LSAMP: variants seen among roughly 807,000 people sequenced by gnomAD.
LSAMP encodes limbic system-associated membrane protein.
LSAMP carries 7 observed loss-of-function variants against 38.6 expected under a neutral mutation model. The ratio of observed to expected loss-of-function variants is 0.18; its 90% confidence interval spans 0.10 to 0.34. The LOEUF is 0.34. LSAMP is among the 10% of genes least tolerant of loss of function. The pLI is 1.00. For missense variants in LSAMP, 313 were observed against 420.0 expected (o/e 0.75, Z 2.23); for synonymous variants, 154 against 166.8 (o/e 0.92, Z 0.59).
intron 1 of LSAMP, among the ~76,000 whole-genome samples, chr3:116,389,154 A>G (rs1201399700): frequency 6.6e-6 from 1 of 152,186 alleles, no homozygotes; most frequent in Admixed American, 6.5e-5. Context: ...TTGGGCCAAG[A>G]CAATCTGCTT....
chr3:116,095,649 A>G (rs1708211184), intron 1 of LSAMP, among the ~76,000 whole-genome samples: 1 of 152,236 alleles, frequency 6.6e-6, no homozygotes, highest in South Asian at 2.1e-4. Flanking sequence ...AAAAGAGATA[A>G]GTATTGAGAC....
intron 2 of LSAMP, among the ~76,000 whole-genome samples, chr3:116,054,432 C>A (rs909212102): frequency 6.6e-6 from 1 of 152,054 alleles, no homozygotes; most frequent in Non-Finnish European, 1.5e-5. Flanking sequence ...TTCTGCCTAC[C>A]TCAGACATAC....
intron 2 of LSAMP, among the ~76,000 whole-genome samples, chr3:116,080,687 C>T (rs1316401159): frequency 6.6e-6 from 1 of 152,194 alleles, no homozygotes; most frequent in Non-Finnish European, 1.5e-5. Flanking sequence ...GACCTATTAA[C>T]AGCCAATCAA....
chr3:115,929,612 T>A (rs1937548958), intron 3 of LSAMP, among the ~76,000 whole-genome samples: 1 of 152,174 alleles, frequency 6.6e-6, no homozygotes, highest in Admixed American at 6.6e-5. Context: ...TAAACAAGTG[T>A]CTAACCTTAG....
chr3:116,387,565 C>A (rs141126328), intron 1 of LSAMP, among the ~76,000 whole-genome samples: 1 of 152,050 alleles, frequency 6.6e-6, no homozygotes, highest in Non-Finnish European at 1.5e-5. Flanking sequence ...CCAAAGGTTC[C>A]GTACACAAAA....
In LSAMP at chr3:116,151,926, G is replaced by A. The variant is rs541281830; in HGVS notation, c.156-65370C>T. 3.9e-5 allele frequency among the ~76,000 whole-genome samples: 6 copies of A among 152,184 alleles called. No homozygotes were observed. The South Asian group carries it at 1.2e-3, about 32-fold the overall frequency. ...CAAGACTCCAGCCACAATGAGACCA[G>A]CAATTAGTTGGAGAACAAAATAATA... On this transcript the variant is annotated intron_variant, in intron 1 of 6. Coordinates refer to ENST00000490035, the MANE Select transcript of LSAMP (RefSeq NM_002338.5).
At chr3:116,172,954 GA>G (rs542781909) in intron 1 of LSAMP, among the ~76,000 whole-genome samples, 193 of 151,264 alleles carry the variant, frequency 1.3e-3, no homozygotes, top group Middle Eastern at 3.4e-3. Flanking sequence ...TAGAATGAGA[GA>G]AAAAAAAGAG....
At position 116,432,997 on chromosome 3, in the gene LSAMP, A is replaced by T. The variant is rs147185791; in HGVS notation, c.155+11880T>A. Among the ~76,000 whole-genome samples the T allele has an allele frequency of 9.3e-3, 1,415 of 152,320 alleles. 23 individuals carry two copies. The highest frequency in any genetic ancestry group is 0.031 in the South Asian group (149 of 4,820). On this transcript the variant is annotated intron_variant, in intron 1 of 6. Coordinates refer to ENST00000490035, the MANE Select transcript of LSAMP (RefSeq NM_002338.5). Reference sequence around the variant, plus strand: ...TTATACAATTACATCATGAACTTGTATAAGGTGACAGCGATCTTTAGTTAT... The same window carrying T: ...TTATACAATTACATCATGAACTTGTTTAAGGTGACAGCGATCTTTAGTTAT...
intron 1 of LSAMP, among the ~76,000 whole-genome samples, chr3:116,091,417 G>A (rs185602891): frequency 9.2e-5 from 14 of 152,134 alleles, no homozygotes; most frequent in Non-Finnish European, 1.8e-4. Flanking sequence ...AGGACTAAGA[G>A]ACTAAAGTAA....
chr3:115,835,756 G>A (rs938061078), intron 6 of LSAMP, among the ~76,000 whole-genome samples: 1 of 152,222 alleles, frequency 6.6e-6, no homozygotes, highest in African/African-American at 2.4e-5. Flanking sequence ...TCCTTGCAGA[G>A]TCAGCTTTTC....
intron 1 of LSAMP, among the ~76,000 whole-genome samples, chr3:116,301,433 A>T (rs1576493294): frequency 6.6e-6 from 1 of 152,350 alleles, no homozygotes; most frequent in Non-Finnish European, 1.5e-5. Flanking sequence ...GAAGACTTAG[A>T]ACACTTATAA....
intron 6 of LSAMP, chr3:115,816,572 T>G: frequency 8.2e-7 from 1 of 1,216,150 alleles, no homozygotes. Context: ...TGTGAAATCT[T>G]AATTTTGACA....
chr3:116,019,389 T>C, intron 3 of LSAMP, 126 bp downstream of exon 3: 1 of 1,210,520 alleles, frequency 8.3e-7, no homozygotes, highest in African/African-American at 1.5e-5. Flanking sequence ...ATGCATGACC[T>C]TCTGATTCAA....
chr3:115,982,668 A>T (rs1003248185), intron 3 of LSAMP, among the ~76,000 whole-genome samples: 12 of 151,264 alleles, frequency 7.9e-5, no homozygotes, highest in African/African-American at 2.9e-4. Flanking sequence ...CTTTTCTTTC[A>T]GTCTCTGAGC....
At chr3:116,316,866 A>G (rs2047636305) in intron 1 of LSAMP, among the ~76,000 whole-genome samples, 1 of 152,054 alleles carries the variant, frequency 6.6e-6, no homozygotes, top group Non-Finnish European at 1.5e-5. Context: ...AGTTATTGCC[A>G]AAATGAAATA....
At chr3:116,127,797 A>G (rs533934049) in intron 1 of LSAMP, among the ~76,000 whole-genome samples, 1 of 150,342 alleles carries the variant, frequency 6.7e-6, no homozygotes, top group Non-Finnish European at 1.5e-5. Context: ...TGGGAATATT[A>G]AAAAAGGGAC....
chr3:116,254,106 G>T (rs190832586), intron 1 of LSAMP, among the ~76,000 whole-genome samples: 1 of 152,054 alleles, frequency 6.6e-6, no homozygotes, highest in African/African-American at 2.4e-5. Context: ...AAATATATGT[G>T]GAATACTCTC....
chr3:115,892,695 AT>A (rs1936630402), intron 3 of LSAMP, among the ~76,000 whole-genome samples: 2 of 151,842 alleles, frequency 1.3e-5, no homozygotes, highest in Admixed American at 6.6e-5. Flanking sequence ...ACTTTTTAGT[AT>A]GTATATACTT....
chr3:116,041,821 A>T (rs979375530), intron 2 of LSAMP, among the ~76,000 whole-genome samples: 3 of 151,808 alleles, frequency 2.0e-5, no homozygotes, highest in Non-Finnish European at 4.4e-5. Context: ...CAAAACAAAA[A>T]AAAAACACCT....
Sources: allele counts gnomAD v4.1 joint callset (sites outside exome capture counted in the v4.1 genomes callset), GRCh38; gene constraint gnomAD v4.1.1; transcripts MANE v1.5; gene names NCBI Gene and HGNC (gene_info 2026-07-23, HGNC 2026-07-21).